Variants in APBB2 observed in about 807,000 individuals in gnomAD.
APBB2 encodes Fe65-like 1.
A neutral mutation model predicts 82.5 loss-of-function variants in APBB2; 38 were observed. The ratio of observed to expected loss-of-function variants is 0.46; its 90% CI spans 0.36 to 0.60. The LOEUF (loss-of-function observed/expected upper bound fraction) is 0.60. Among genes scored for constraint, APBB2 ranks in the 20% least tolerant of loss-of-function variants. APBB2 has a pLI of 0.00. For missense variants in APBB2, 772 were observed against 972.3 expected (o/e 0.79, Z 2.74); for synonymous variants, 341 against 368.2 (o/e 0.93, Z 0.85).
chr4:40,872,174 T>C (rs1483427750), intron 12 of APBB2, among the ~76,000 whole-genome samples: 1 of 152,248 alleles, frequency 6.6e-6, no homozygotes, highest in Admixed American at 6.5e-5. Context: ...GCCAATATTG[T>C]AGTCTAGATT....
intron 6 of APBB2, among the ~76,000 whole-genome samples, chr4:40,955,372 TA>T (rs1246268550): frequency 1.3e-5 from 2 of 152,238 alleles, no homozygotes; most frequent in African/African-American, 4.8e-5. Context: ...AGGTCTGTGA[TA>T]AGGCGTAAAG....
At chr4:41,044,832 A>C (rs1267505887) in intron 4 of APBB2, among the ~76,000 whole-genome samples, 1 of 152,118 alleles carries the variant, frequency 6.6e-6, no homozygotes, top group Non-Finnish European at 1.5e-5. Context: ...TTCTAAGGTG[A>C]TATTCTAAAA....
At chr4:41,115,475 A>T (rs556906535) in intron 2 of APBB2, among the ~76,000 whole-genome samples, 4 of 152,366 alleles carry the variant, frequency 2.6e-5, no homozygotes, top group South Asian at 2.1e-4. Context: ...GACAAATGGG[A>T]TCTAATTAAA....
intron 12 of APBB2, chr4:40,880,557 C>T: frequency 1.0e-6 from 1 of 985,448 alleles, no homozygotes; most frequent in Non-Finnish European, 1.2e-6. Flanking sequence ...TCCATGTTTA[C>T]ATGGGTTGTT....
chr4:41,194,569 G>A, intron 1 of APBB2, among the ~76,000 whole-genome samples: 5 of 152,246 alleles, frequency 3.3e-5, no homozygotes, highest in African/African-American at 7.2e-5. Flanking sequence ...TGTAGTCCCC[G>A]CTACGTGGGA....
At chr4:41,196,857 C>T in intron 1 of APBB2, among the ~76,000 whole-genome samples, 3 of 152,150 alleles carry the variant, frequency 2.0e-5, no homozygotes. Flanking sequence ...CATCATAGCT[C>T]TGAAATGTGT....
At chr4:40,961,664 A>AGG (rs1793255136) in intron 6 of APBB2, among the ~76,000 whole-genome samples, 1 of 114,922 alleles carries the variant, frequency 8.7e-6, no homozygotes, top group Non-Finnish European at 1.8e-5. Context: ...AAAAAAAAAG[A>AGG]TGTAAAAAAA....
At chr4:41,120,928 T>C (rs1233642033) in intron 2 of APBB2, among the ~76,000 whole-genome samples, 2 of 152,236 alleles carry the variant, frequency 1.3e-5, no homozygotes, top group African/African-American at 4.8e-5. Flanking sequence ...CCTGGCTTTA[T>C]ATACACAGAT....
At chr4:41,028,073 C>T (rs1715179642) in intron 5 of APBB2, among the ~76,000 whole-genome samples, 1 of 152,218 alleles carries the variant, frequency 6.6e-6, no homozygotes, top group Admixed American at 6.5e-5. Context: ...CGTGTTTCCT[C>T]CTTTTCTGTT....
At chr4:40,915,625 A>T (rs936831595) in intron 10 of APBB2, among the ~76,000 whole-genome samples, 2 of 152,220 alleles carry the variant, frequency 1.3e-5, no homozygotes, top group Non-Finnish European at 2.9e-5. Flanking sequence ...AACTTTTTGC[A>T]AAGTGTCTGA....
intron 5 of APBB2, among the ~76,000 whole-genome samples, chr4:41,020,035 G>A (rs937013145): frequency 6.6e-6 from 1 of 151,732 alleles, no homozygotes; most frequent in African/African-American, 2.4e-5. Context: ...AAGAGAGGAA[G>A]AGACAAAGGA....
At chr4:41,062,674 G>A (rs1187148452) in intron 4 of APBB2, among the ~76,000 whole-genome samples, 2 of 152,118 alleles carry the variant, frequency 1.3e-5, no homozygotes, top group Admixed American at 6.6e-5. Context: ...GTGTTATGCA[G>A]ATGTGTGCCC....
In APBB2 at chr4:40,960,446, G is replaced by GTTTTTTTT. The variant is rs371607683; in HGVS notation, c.836-15374_836-15373insAAAAAAAA. On this transcript the variant is annotated intron_variant, in intron 6 of 17. Transcript: ENST00000508593. ...CATCAAAAACAGAAATTTTTTTTCGGGTTTTTTTTTTTTTTTTTTGAGACG... is the reference window on the plus strand; with the variant it reads ...CATCAAAAACAGAAATTTTTTTTCGGTTTTTTTTGTTTTTTTTTTTTTTTTTTGAGACG... Among the ~76,000 whole-genome samples, 16 of 120,544 alleles carry GTTTTTTTT rather than the reference G, an allele frequency of 1.3e-4. 8 individuals are homozygous for GTTTTTTTT. The highest frequency in any genetic ancestry group is 1.9e-4 in the Admixed American group (2 of 10,294). The allele number at this position is 120,544 out of a possible 152,430, so 79.1% of individuals were successfully genotyped here.
chr4:40,976,139 C>T (rs1247441517), intron 6 of APBB2, among the ~76,000 whole-genome samples: 1 of 152,002 alleles, frequency 6.6e-6, no homozygotes. Context: ...TTTTGTTTCA[C>T]ATAAAACCTT....
At chr4:41,203,645 C>A (rs547311374) in intron 1 of APBB2, among the ~76,000 whole-genome samples, 1 of 152,280 alleles carries the variant, frequency 6.6e-6, no homozygotes. Flanking sequence ...AGACCACTAA[C>A]AAGAGGGCCC....
chr4:41,199,050 T>C (rs1420192621), intron 1 of APBB2, among the ~76,000 whole-genome samples: 2 of 152,206 alleles, frequency 1.3e-5, no homozygotes, highest in East Asian at 3.8e-4. Flanking sequence ...TTAAGAACCC[T>C]AACCTACTCT....
chr4:41,061,810 A>C (rs905223719), intron 4 of APBB2, among the ~76,000 whole-genome samples: 1 of 152,248 alleles, frequency 6.6e-6, no homozygotes, highest in Non-Finnish European at 1.5e-5. Context: ...AAGGCAGAAT[A>C]ATCTCAAAAC....
chr4:40,827,092 G>T (rs1237481706), intron 14 of APBB2, 40 bp downstream of exon 14: 1 of 1,564,332 alleles, frequency 6.4e-7, no homozygotes, highest in Admixed American at 1.7e-5. Flanking sequence ...GACCAGGAGG[G>T]ACAGGGCCAT....
intron 3 of APBB2, among the ~76,000 whole-genome samples, chr4:41,070,918 C>T (rs1030497574): frequency 9.9e-5 from 15 of 152,198 alleles, no homozygotes; most frequent in Non-Finnish European, 1.8e-4. Context: ...TGCCAGTCTA[C>T]AAAGTGTTTA....
Sources: allele counts gnomAD v4.1 joint callset (sites outside exome capture counted in the v4.1 genomes callset), GRCh38; gene constraint gnomAD v4.1.1; transcripts MANE v1.5; gene names NCBI Gene and HGNC (gene_info 2026-07-23, HGNC 2026-07-21).